NPAS1: variants seen among roughly 807,000 people sequenced by gnomAD.
NPAS1 encodes the protein neuronal PAS domain protein 1, also known as neuronal PAS domain-containing protein 1.
Under a neutral mutation model 49.2 loss-of-function variants are expected in NPAS1, and 29 were observed. That is an observed-to-expected ratio of 0.59 (90% CI 0.44 to 0.80). The LOEUF is 0.80. NPAS1 is among the 30% of genes least tolerant of loss of function. The pLI, the probability that NPAS1 is intolerant of heterozygous loss-of-function variation, is 0.00. For missense variants in NPAS1, 825 were observed against 835.5 expected, an observed-to-expected ratio of 0.99 and a Z score of 0.15; for synonymous variants, 408 against 380.4, an observed-to-expected ratio of 1.07 and a Z score of -0.84.
chr19:47,038,276 T>A (rs565418465), intron 6 of NPAS1, among the ~76,000 whole-genome samples: 1 of 152,308 alleles, frequency 6.6e-6, no homozygotes, highest in South Asian at 2.1e-4. Context: ...CCCAGCACTT[T>A]GGGAGGCCGA....
intron 10 of NPAS1, 142 bp from the exon 11 acceptor site, chr19:47,042,668 T>G: frequency 1.0e-5 from 6 of 586,420 alleles, no homozygotes; most frequent in Non-Finnish European, 1.4e-5. Context: ...GATCTGGTGT[T>G]GAGCCTTGTA....
At chr19:47,038,074 C>G (rs941628791) in intron 6 of NPAS1, among the ~76,000 whole-genome samples, 2 of 152,142 alleles carry the variant, frequency 1.3e-5, no homozygotes, top group East Asian at 1.9e-4. Context: ...GCTGACCCAG[C>G]CTGAGGGTCA....
intron 3 of NPAS1, among the ~76,000 whole-genome samples, chr19:47,025,687 C>T (rs2056867106): frequency 2.7e-5 from 4 of 150,386 alleles, no homozygotes; most frequent in Admixed American, 2.7e-4. Flanking sequence ...GAGTTCCTCT[C>T]ACTTCAGCCT....
At chr19:47,036,508 AG>A (rs1231690052) in intron 6 of NPAS1, among the ~76,000 whole-genome samples, 5 of 152,248 alleles carry the variant, frequency 3.3e-5, no homozygotes, top group Admixed American at 2.0e-4. Context: ...CGGGAGGCCC[AG>A]GGGGGCGGAT....
At chr19:47,040,139 C>A (rs1044499463) in intron 8 of NPAS1, among the ~76,000 whole-genome samples, 1 of 152,174 alleles carries the variant, frequency 6.6e-6, no homozygotes, top group African/African-American at 2.4e-5. Context: ...TCTCTTGCCT[C>A]AGCCTCTCAA....
rs977975375 is a variant in NPAS1, at chr19:47,024,093, G to A, written c.358+2246G>A. On this transcript the variant is annotated intron_variant, in intron 3 of 11. Coordinates refer to ENST00000602212, the MANE Select transcript of NPAS1 (RefSeq NM_002517.4). ...GCACTCCAGACTAGTGACAGAGCAA[G>A]ACTCCATCTCAAAAAATATATAAAA... 2.0e-5 allele frequency among the ~76,000 whole-genome samples: 3 copies of A among 151,884 alleles called. No individual in the cohort carries two copies. In the East Asian group the frequency reaches 5.8e-4, roughly 29 times the overall value.
chr19:47,040,931 C>A, intron 9 of NPAS1, 47 bp from the exon 10 acceptor site: 1 of 1,424,228 alleles, frequency 7.0e-7, no homozygotes, highest in East Asian at 2.6e-5. Flanking sequence ...TGTCTTGCCC[C>A]TGTCCCCACC....
intron 11 of NPAS1, among the ~76,000 whole-genome samples, 180 bp from the exon 12 acceptor site, chr19:47,045,011 C>A (rs112043295): frequency 0.015 from 2,260 of 151,186 alleles, 52 homozygotes; most frequent in African/African-American, 0.053. Context: ...GCCTGGGGGA[C>A]AGAGCAAGAC....
At chr19:47,024,767 G>A (rs2056861072) in intron 3 of NPAS1, among the ~76,000 whole-genome samples, 1 of 151,760 alleles carries the variant, frequency 6.6e-6, no homozygotes, top group Non-Finnish European at 1.5e-5. Flanking sequence ...CTCTGAGTCT[G>A]GAGAGGAGAC....
At chr19:47,038,921 C>A in intron 6 of NPAS1, 115 bp from the exon 7 acceptor site, 1 of 822,120 alleles carries the variant, frequency 1.2e-6, no homozygotes, top group Non-Finnish European at 2.0e-6. Flanking sequence ...CCTCTGAGTG[C>A]GGCCGTGGCC....
Position 47,045,527 on chromosome 19 carries a change from GCCTGGTGTACCCGCA to G in NPAS1, c.1654_1668del (p.Val552_Leu556del). 1 of 1,532,646 alleles carries G rather than the reference GCCTGGTGTACCCGCA, an allele frequency of 6.5e-7. No individual in the cohort carries two copies. Among genetic ancestry groups the G allele is most frequent in the Non-Finnish European group, 8.7e-7 (1 of 1,146,190 alleles). 94.9% of individuals were successfully genotyped at this position (1,532,646 alleles called of 1,614,324 possible). On this transcript the variant is annotated inframe_deletion, in exon 12 of 12. Coordinates refer to ENST00000602212, the MANE Select transcript of NPAS1 (RefSeq NM_002517.4). ...ATCCGCTACGGCCCCGCGGAGCTGG[GCCTGGTGTACCCGCA>G]CCTGCAGAGGCTGGGTCCGGGCCCC...
chr19:47,031,130 C>T (rs1457034940), intron 3 of NPAS1, among the ~76,000 whole-genome samples: 1 of 151,822 alleles, frequency 6.6e-6, no homozygotes, highest in Non-Finnish European at 1.5e-5. Context: ...CCACCTATTT[C>T]ATTCTCCATA....
intron 10 of NPAS1, among the ~76,000 whole-genome samples, chr19:47,041,961 C>T (rs2057025918): frequency 7.3e-6 from 1 of 136,452 alleles, no homozygotes; most frequent in African/African-American, 2.9e-5. Flanking sequence ...GCCTGGGCGA[C>T]AGAGTGAGAC....
intron 3 of NPAS1, among the ~76,000 whole-genome samples, chr19:47,026,517 G>C (rs1599895642): frequency 6.6e-6 from 1 of 152,324 alleles, no homozygotes; most frequent in African/African-American, 2.4e-5. Context: ...CTGGGGCCAT[G>C]GGTGGTGGAA....
intron 3 of NPAS1, 37 bp from the exon 4 acceptor site, chr19:47,032,241 G>A: frequency 6.2e-7 from 1 of 1,601,714 alleles, no homozygotes; most frequent in Non-Finnish European, 8.5e-7. Flanking sequence ...GGCAGGGTCA[G>A]CCAGACTAAC....
At chr19:47,038,699 T>C (rs1268051563) in intron 6 of NPAS1, among the ~76,000 whole-genome samples, 1 of 152,048 alleles carries the variant, frequency 6.6e-6, no homozygotes, top group Non-Finnish European at 1.5e-5. Flanking sequence ...TGGTAGCATG[T>C]GCCTGTAATC....
At chr19:47,039,286 G>T in intron 7 of NPAS1, 121 bp from the exon 8 acceptor site, 1 of 1,477,672 alleles carries the variant, frequency 6.8e-7, no homozygotes, top group South Asian at 1.3e-5. Context: ...GGACTGGGGG[G>T]GTCACACAGT....
Position 47,021,200 on chromosome 19 carries a change from G to C in NPAS1, c.122+31G>C, listed in dbSNP as rs188113431. The C allele has an allele frequency of 0.025, 36,189 of 1,421,920 alleles. 274 individuals are homozygous for C. The highest frequency in any genetic ancestry group is 0.12 in the East Asian group (4,410 of 37,524). The allele number at this position is 1,421,920 out of a possible 1,614,324, so 88.1% of individuals were successfully genotyped here. A position where few individuals can be genotyped will look rare whatever the true frequency, so the allele number is the denominator to read the frequency against. On this transcript the variant is annotated intron_variant, in intron 2 of 11. Transcript: ENST00000602212. This position sits in a 1 kb window ranked among gnomAD's most constrained non-coding sequence, Gnocchi z 5.7. ...CAAAGCCCCGCCCCCCTGGCCGCGG[G>C]CCCCCCCCCGGGTCCAATTCACACC...
At chr19:47,036,446 A>G (rs1441294104) in intron 6 of NPAS1, among the ~76,000 whole-genome samples, 4 of 152,274 alleles carry the variant, frequency 2.6e-5, no homozygotes, top group Non-Finnish European at 5.9e-5. Context: ...ATCACATTAC[A>G]TAATTACGTT....
Sources: allele counts gnomAD v4.1 joint callset (sites outside exome capture counted in the v4.1 genomes callset), GRCh38; gene constraint gnomAD v4.1.1; non-coding constraint Gnocchi (gnomAD v3.1); transcripts MANE v1.5; gene names NCBI Gene and HGNC (gene_info 2026-07-23, HGNC 2026-07-21).